Variants in TRAPPC9 observed in about 807,000 individuals in gnomAD.
The protein encoded by TRAPPC9 is trafficking protein particle complex subunit 9.
TRAPPC9 carries 83 observed loss-of-function variants against 124.0 expected under a neutral mutation model. The ratio of observed to expected loss-of-function variants is 0.67; its 90% CI spans 0.56 to 0.80. TRAPPC9 has a LOEUF of 0.80. TRAPPC9 is among the 30% of genes least tolerant of loss of function. The pLI is 0.00. For missense variants in TRAPPC9, 1,302 were observed against 1,508.3 expected, an observed-to-expected ratio of 0.86 and a Z score of 2.27; for synonymous variants, 638 against 617.5, an observed-to-expected ratio of 1.03 and a Z score of -0.49.
At chr8:140,356,594 C>T (rs75642958) in intron 9 of TRAPPC9, among the ~76,000 whole-genome samples, 5,457 of 151,884 alleles carry the variant, frequency 0.036, 203 homozygotes, top group African/African-American at 0.098. Context: ...TACAAACACA[C>T]ATGTGTTCCT....
At chr8:140,454,511 A>C (rs1295459200) in intron 1 of TRAPPC9, among the ~76,000 whole-genome samples, 1 of 149,764 alleles carries the variant, frequency 6.7e-6, no homozygotes. Flanking sequence ...GTGGTGGCGC[A>C]TGCCTGTGAT....
At chr8:140,100,712 G>C (rs1400611666) in intron 17 of TRAPPC9, among the ~76,000 whole-genome samples, 3 of 152,214 alleles carry the variant, frequency 2.0e-5, no homozygotes, top group Admixed American at 6.5e-5. Context: ...GGGCGCTGGA[G>C]ATGAGGGTGG....
chr8:140,422,158 G>A (rs2070238214), intron 5 of TRAPPC9, among the ~76,000 whole-genome samples: 1 of 152,084 alleles, frequency 6.6e-6, no homozygotes, highest in Non-Finnish European at 1.5e-5. Context: ...CCCTCAGCGA[G>A]TCAGAAAACC....
At chr8:140,303,041 G>C (rs961976916) in intron 10 of TRAPPC9, among the ~76,000 whole-genome samples, 3 of 152,172 alleles carry the variant, frequency 2.0e-5, no homozygotes, top group Non-Finnish European at 4.4e-5. Flanking sequence ...CCTGATTGGT[G>C]TCTGGGAGTC....
At chr8:140,228,917 A>G (rs1483465567) in intron 16 of TRAPPC9, among the ~76,000 whole-genome samples, 1 of 152,260 alleles carries the variant, frequency 6.6e-6, no homozygotes, top group Non-Finnish European at 1.5e-5. Context: ...ATGAATAACG[A>G]TTAGACCAGA....
chr8:139,942,896 G>C (rs1833999954), intron 19 of TRAPPC9, among the ~76,000 whole-genome samples: 1 of 152,126 alleles, frequency 6.6e-6, no homozygotes. Context: ...AAGGGAGGGA[G>C]AGTTCAGGAA....
At chr8:139,972,505 C>T (rs974486509) in intron 19 of TRAPPC9, among the ~76,000 whole-genome samples, 1 of 152,206 alleles carries the variant, frequency 6.6e-6, no homozygotes, top group African/African-American at 2.4e-5. Flanking sequence ...GGCTACGCCA[C>T]AGAACCCCAT....
Position 140,023,934 on chromosome 8 carries a change from T to C in TRAPPC9, c.2699+3A>G, listed in dbSNP as rs1383162441. On this transcript the variant is annotated splice_donor_region_variant and intron_variant, in intron 18 of 22. Coordinates refer to ENST00000438773, the MANE Select transcript of TRAPPC9 (RefSeq NM_001160372.4). ...GACGGCTGTGCGGCAGGAAGACATTTACCTGGTTGCTGGGAGGGTGCTGAC... is the reference window on the plus strand; with the variant it reads ...GACGGCTGTGCGGCAGGAAGACATTCACCTGGTTGCTGGGAGGGTGCTGAC... The C allele has an allele frequency of 1.9e-6, 3 of 1,613,896 alleles. No individual in the cohort carries two copies. The highest frequency in any genetic ancestry group is 2.7e-5 in the African/African-American group (2 of 74,916).
At chr8:140,306,627 G>A (rs377696469) in intron 10 of TRAPPC9, among the ~76,000 whole-genome samples, 18 of 152,146 alleles carry the variant, frequency 1.2e-4, no homozygotes, top group Admixed American at 2.0e-4. Context: ...ATTAAAGCGT[G>A]CACATTTTTA....
intron 16 of TRAPPC9, among the ~76,000 whole-genome samples, chr8:140,239,812 G>T (rs2063817412): frequency 6.6e-6 from 1 of 152,174 alleles, no homozygotes; most frequent in South Asian, 2.1e-4. Flanking sequence ...GAAATATTAT[G>T]GCATTAAGAT....
chr8:139,891,344 C>T (rs986064330), intron 20 of TRAPPC9, among the ~76,000 whole-genome samples: 8 of 152,224 alleles, frequency 5.3e-5, no homozygotes, highest in African/African-American at 1.7e-4. Context: ...TCTGGCACGT[C>T]GGAGAGGCCC....
chr8:140,258,249 G>C (rs1043882127), intron 15 of TRAPPC9, among the ~76,000 whole-genome samples: 3 of 152,248 alleles, frequency 2.0e-5, no homozygotes, highest in African/African-American at 7.2e-5. Flanking sequence ...AGGTTCAAAA[G>C]AGGGAGGGTG....
intron 17 of TRAPPC9, among the ~76,000 whole-genome samples, chr8:140,082,590 A>C (rs1490879775): frequency 6.6e-6 from 1 of 152,258 alleles, no homozygotes; most frequent in Non-Finnish European, 1.5e-5. Context: ...TAAATGACTG[A>C]ATTTGAAAAT....
At chr8:139,901,805 C>T (rs1375517405) in intron 20 of TRAPPC9, among the ~76,000 whole-genome samples, 1 of 152,212 alleles carries the variant, frequency 6.6e-6, no homozygotes, top group Admixed American at 6.5e-5. Flanking sequence ...GGCTCTGCCA[C>T]GGACCAGCTG....
chr8:139,759,104 G>A (rs1425662408), intron 21 of TRAPPC9, among the ~76,000 whole-genome samples: 1 of 152,184 alleles, frequency 6.6e-6, no homozygotes, highest in Non-Finnish European at 1.5e-5. Flanking sequence ...TCCACCCACA[G>A]CCCTCTGAGT....
At chr8:139,743,384 A>G (rs1818686159) in intron 21 of TRAPPC9, among the ~76,000 whole-genome samples, 1 of 152,238 alleles carries the variant, frequency 6.6e-6, no homozygotes, top group Non-Finnish European at 1.5e-5. Context: ...CTAATTTGGG[A>G]TTTAAAAATG....
intron 21 of TRAPPC9, among the ~76,000 whole-genome samples, chr8:139,847,590 C>T (rs934690888): frequency 3.1e-4 from 46 of 147,458 alleles, no homozygotes; most frequent in African/African-American, 2.3e-4. Flanking sequence ...CAGATGGGCA[C>T]GAGCACCTGC....
At chr8:140,023,742 G>A (rs191202027) in intron 18 of TRAPPC9, among the ~76,000 whole-genome samples, 195 bp downstream of exon 18, 2 of 152,222 alleles carry the variant, frequency 1.3e-5, no homozygotes, top group African/African-American at 4.8e-5. Context: ...ATTCACTTAC[G>A]ACCACCTGAG....
chr8:140,083,484 A>T (rs1435046634), intron 17 of TRAPPC9, among the ~76,000 whole-genome samples: 1 of 152,134 alleles, frequency 6.6e-6, no homozygotes, highest in Non-Finnish European at 1.5e-5. Flanking sequence ...GCAACGCAGT[A>T]CCCAGGGAAG....
Sources: gnomAD v4.1 joint callset for allele counts (sites outside exome capture counted in the v4.1 genomes callset) on GRCh38, gnomAD v4.1.1 for gene constraint, MANE v1.5 for transcripts, NCBI Gene and HGNC (gene_info 2026-07-23, HGNC 2026-07-21) for gene names.